TRIM9: variants seen among roughly 807,000 people sequenced by gnomAD.
The protein encoded by TRIM9 is E3 ubiquitin-protein ligase TRIM9.
Under a neutral mutation model 78.3 loss-of-function variants are expected in TRIM9, and 26 were observed. The ratio of observed to expected loss-of-function variants is 0.33; its 90% CI spans 0.24 to 0.46. The LOEUF is 0.46. Among genes scored for constraint, TRIM9 ranks in the 20% least tolerant of loss-of-function variants. TRIM9 has a pLI of 1.00. For missense variants in TRIM9, 787 were observed against 1,036.4 expected, an observed-to-expected ratio of 0.76 and a Z score of 3.30; for synonymous variants, 398 against 416.5, an observed-to-expected ratio of 0.96 and a Z score of 0.54.
At chr14:50,992,084 T>A (rs550081299) in intron 7 of TRIM9, among the ~76,000 whole-genome samples, 1 of 152,250 alleles carries the variant, frequency 6.6e-6, no homozygotes, top group South Asian at 2.1e-4. Flanking sequence ...GAGTGTTTAG[T>A]TTATGTAGTG....
At chr14:51,086,863 G>C (rs1351670249) in intron 1 of TRIM9, among the ~76,000 whole-genome samples, 1 of 152,142 alleles carries the variant, frequency 6.6e-6, no homozygotes, top group East Asian at 1.9e-4. Flanking sequence ...GTGTTGAGGA[G>C]GGGGGAAAAG....
At chr14:51,047,760 T>C (rs890805415) in intron 1 of TRIM9, among the ~76,000 whole-genome samples, 3 of 152,192 alleles carry the variant, frequency 2.0e-5, no homozygotes, top group Non-Finnish European at 4.4e-5. Flanking sequence ...GCAATGCACC[T>C]TAGAAAACAA....
chr14:51,009,287 A>G, intron 4 of TRIM9, 54 bp from the exon 5 acceptor site: 1 of 1,603,618 alleles, frequency 6.2e-7, no homozygotes, highest in Admixed American at 1.7e-5. Flanking sequence ...CACTTGAAAC[A>G]CAACACTGCC....
intron 11 of TRIM9, 136 bp downstream of exon 11, chr14:50,981,664 A>G: frequency 9.2e-7 from 1 of 1,087,452 alleles, no homozygotes; most frequent in Non-Finnish European, 1.3e-6. Context: ...AGGCTCATAG[A>G]TTGCCTGTGC....
intron 9 of TRIM9, among the ~76,000 whole-genome samples, 172 bp downstream of exon 9, chr14:50,983,208 C>A (rs2052212439): frequency 6.6e-6 from 1 of 152,306 alleles, no homozygotes; most frequent in Middle Eastern, 3.4e-3. Context: ...TAACATTAAA[C>A]ACTACAGGCA....
intron 5 of TRIM9, 66 bp from the exon 6 acceptor site, chr14:51,000,906 C>T (rs2139519222): frequency 1.3e-6 from 2 of 1,584,412 alleles, no homozygotes; most frequent in Non-Finnish European, 8.6e-7. Flanking sequence ...CTTAGAATGA[C>T]AAGCATCCCC....
chr14:51,067,291 A>G (rs1008930042), intron 1 of TRIM9, among the ~76,000 whole-genome samples: 1 of 152,172 alleles, frequency 6.6e-6, no homozygotes, highest in Non-Finnish European at 1.5e-5. Flanking sequence ...TCTTCCAAAT[A>G]TAAGAGTTTC....
At chr14:51,076,212 G>A (rs1471137162) in intron 1 of TRIM9, among the ~76,000 whole-genome samples, 1 of 152,242 alleles carries the variant, frequency 6.6e-6, no homozygotes, top group Non-Finnish European at 1.5e-5. Flanking sequence ...AGAGGAAGAA[G>A]TTGAGATTTT....
intron 1 of TRIM9, among the ~76,000 whole-genome samples, chr14:51,080,737 C>T (rs970050207): frequency 1.3e-5 from 2 of 152,046 alleles, no homozygotes; most frequent in African/African-American, 4.8e-5. Flanking sequence ...CCATGGTAAC[C>T]CTTAGGAGCC....
intron 1 of TRIM9, among the ~76,000 whole-genome samples, chr14:51,077,344 T>G (rs539324536): frequency 4.6e-5 from 7 of 151,152 alleles, no homozygotes; most frequent in Non-Finnish European, 5.9e-5. Flanking sequence ...GACCATGAGC[T>G]GTCAAACTTA....
At chr14:51,076,110 C>G (rs576819412) in intron 1 of TRIM9, among the ~76,000 whole-genome samples, 19 of 152,298 alleles carry the variant, frequency 1.2e-4, no homozygotes, top group African/African-American at 4.6e-4. Context: ...ATTGATCCTG[C>G]TCTATAACTA....
chr14:51,085,008 A>C (rs2063621090), intron 1 of TRIM9, among the ~76,000 whole-genome samples: 1 of 152,044 alleles, frequency 6.6e-6, no homozygotes, highest in Non-Finnish European at 1.5e-5. Context: ...ATTGCCATTT[A>C]CTCCTCTCTG....
Position 50,979,430 on chromosome 14 carries a change from T to C in TRIM9, c.2282A>G (p.Glu761Gly). The C allele has an allele frequency of 1.9e-6, 3 of 1,614,206 alleles. No homozygotes were observed. Among genetic ancestry groups the C allele is most frequent in the Non-Finnish European group, 2.5e-6 (3 of 1,180,032 alleles). The change falls in exon 12 of 13, where the codon GAG (glutamate) becomes GGG (glycine). Residue 761 changes from glutamate (E) to glycine (G), a missense_variant. Around this residue, in one of 3 missense-constraint regions of TRIM9, gnomAD observed 421 missense variants for 514.3 expected, o/e 0.82. Coordinates refer to ENST00000684578, the MANE Select transcript of TRIM9 (RefSeq NM_001387360.1). ...GCTGACCGCAGGGAAGAAGAGGCCC[T>C]CCACGTTATCAAATGCTATGGGACC... ...QQGPIAFDNV[E>G]GLFFPAVSLN...
At chr14:51,053,152 C>A (rs2060568613) in intron 1 of TRIM9, among the ~76,000 whole-genome samples, 1 of 113,032 alleles carries the variant, frequency 8.8e-6, no homozygotes, top group African/African-American at 2.8e-5. Context: ...AGAGAGAGAC[C>A]CTGTTTCAAA....
chr14:51,067,278 G>A (rs980492785), intron 1 of TRIM9, among the ~76,000 whole-genome samples: 1 of 151,916 alleles, frequency 6.6e-6, no homozygotes, highest in Admixed American at 6.6e-5. Context: ...TGTACTGTAA[G>A]TATCTTCCAA....
intron 7 of TRIM9, among the ~76,000 whole-genome samples, chr14:50,994,683 T>C (rs191744027): frequency 6.6e-6 from 1 of 152,294 alleles, no homozygotes; most frequent in East Asian, 1.9e-4. Context: ...GCATAAACCT[T>C]AGAACTCTGT....
Position 50,977,245 on chromosome 14 carries a change from G to T in TRIM9, c.*46C>A. ...GGCTGAGCTCCTTGCTGTGGCTCTC[G>T]CAGGCGGAGGTAAGAACAGGCAGCT... is the stretch of plus-strand genomic sequence containing the variant. On this transcript the variant is annotated 3_prime_UTR_variant, in exon 13 of 13. Transcript: ENST00000684578. 1 of 1,394,664 alleles carries T rather than the reference G, an allele frequency of 7.2e-7. No individual in the cohort carries two copies. Among genetic ancestry groups the T allele is most frequent in the Non-Finnish European group, 9.4e-7 (1 of 1,058,478 alleles). The allele number at this position is 1,394,664 out of a possible 1,614,324, so 86.4% of individuals were successfully genotyped here. A position where few individuals can be genotyped will look rare whatever the true frequency, so the allele number is the denominator to read the frequency against.
At chr14:51,047,121 T>A (rs11622225) in intron 1 of TRIM9, among the ~76,000 whole-genome samples, 4 of 152,160 alleles carry the variant, frequency 2.6e-5, no homozygotes, top group Middle Eastern at 3.4e-3. Flanking sequence ...CTGCTTGAGC[T>A]GGGGTTGACA....
intron 3 of TRIM9, among the ~76,000 whole-genome samples, chr14:51,012,751 C>CGTATGTATAAAGT (rs1566577548): frequency 6.6e-6 from 1 of 152,172 alleles, no homozygotes; most frequent in Non-Finnish European, 1.5e-5. Context: ...ATATAGCCAT[C>CGTATGTATAAAGT]GTAAATGTAT....
Sources: allele counts gnomAD v4.1 joint callset (sites outside exome capture counted in the v4.1 genomes callset), GRCh38; gene constraint gnomAD v4.1.1; regional missense constraint gnomAD v4.1.1; transcripts MANE v1.5; gene names NCBI Gene and HGNC (gene_info 2026-07-23, HGNC 2026-07-21).